The following CDC42BPA variants were observed in gnomAD, a reference collection of about 807,000 sequenced individuals.
The protein encoded by CDC42BPA is CDC42 binding protein kinase alpha, also known as serine/threonine-protein kinase MRCK alpha.
CDC42BPA carries 80 observed loss-of-function variants against 223.5 expected under a neutral mutation model. That is an observed-to-expected ratio of 0.36 (90% CI 0.30 to 0.43). CDC42BPA has a LOEUF of 0.43. Ranked by LOEUF, CDC42BPA falls within the 20% of genes least tolerant of loss-of-function variation. The pLI, the probability that CDC42BPA is intolerant of heterozygous loss-of-function variation, is 1.00. For missense variants in CDC42BPA, 1,743 were observed against 2,099.9 expected (o/e 0.83, Z 3.32); for synonymous variants, 694 against 718.6 (o/e 0.97, Z 0.55).
chr1:227,093,177 T>A (rs1402158201), intron 15 of CDC42BPA, among the ~76,000 whole-genome samples: 1 of 152,184 alleles, frequency 6.6e-6, no homozygotes, highest in African/African-American at 2.4e-5. Context: ...AATGTATAGG[T>A]CTCTAATTAT....
chr1:227,235,795 G>A (rs1262081393), intron 2 of CDC42BPA, among the ~76,000 whole-genome samples: 2 of 152,248 alleles, frequency 1.3e-5, no homozygotes, highest in Non-Finnish European at 2.9e-5. Context: ...CATCTCCAGA[G>A]AGTAAAACTC....
At chr1:227,093,206 TG>T (rs1271049204) in intron 15 of CDC42BPA, among the ~76,000 whole-genome samples, 3 of 152,192 alleles carry the variant, frequency 2.0e-5, no homozygotes, top group African/African-American at 7.2e-5. Context: ...ACACTCAACC[TG>T]GGGCCATCTG....
chr1:227,062,429 C>A (rs532713141), intron 21 of CDC42BPA, among the ~76,000 whole-genome samples: 4 of 152,230 alleles, frequency 2.6e-5, no homozygotes, highest in Non-Finnish European at 5.9e-5. Flanking sequence ...GATATACGAT[C>A]TTTATCTTTT....
chr1:227,222,175 ACCACTGCACT>A, intron 2 of CDC42BPA, among the ~76,000 whole-genome samples: 1 of 151,336 alleles, frequency 6.6e-6, no homozygotes, highest in Middle Eastern at 3.4e-3. Flanking sequence ...CTGTGATTGC[ACCACTGCACT>A]CCAGCCTGGG....
At position 227,141,295 on chromosome 1, in the gene CDC42BPA, TTGA is replaced by T. The variant is rs376888544; in HGVS notation, c.1224-1556_1224-1554del. The stretch of plus-strand genomic sequence containing the variant: ...TCTATAATGTAAAGCAGAGACATGG[TTGA>T]TAAGAGGTAAAGGAAGAGGAATCCA... On this transcript the variant is annotated intron_variant, in intron 9 of 36. Coordinates refer to ENST00000366766, the MANE Select transcript of CDC42BPA (RefSeq NM_001394014.1). 1.3e-3 allele frequency among the ~76,000 whole-genome samples: 191 copies of T among 152,168 alleles called. 2 individuals carry two copies. The highest frequency in any genetic ancestry group is 4.2e-3 in the African/African-American group (176 of 41,512).
intron 2 of CDC42BPA, among the ~76,000 whole-genome samples, chr1:227,226,414 G>A (rs1208001796): frequency 6.6e-6 from 1 of 152,166 alleles, no homozygotes; most frequent in African/African-American, 2.4e-5. Flanking sequence ...AAAGAGAAGA[G>A]GTTTGAACCT....
intron 24 of CDC42BPA, among the ~76,000 whole-genome samples, chr1:227,039,703 AT>A (rs1670984460): frequency 6.6e-6 from 1 of 151,990 alleles, no homozygotes; most frequent in South Asian, 2.1e-4. Context: ...TAAATCATGG[AT>A]GTTAGGGGAA....
rs1302291274 is a variant in CDC42BPA, at chr1:227,168,497, G to GTGTTTTGTTTTTTT, written c.600-7862_600-7861insAAAAAAACAAAACA. On this transcript the variant is annotated intron_variant, in intron 5 of 36. Coordinates refer to ENST00000366766, the MANE Select transcript of CDC42BPA (RefSeq NM_001394014.1). ...CTTTTTCATATTTATCTTCCCTGGT[G>GTGTTTTGTTTTTTT]TTTTTTTTTTTTTTTTGAGGCAGAG... Among the ~76,000 whole-genome samples, 204 of 80,212 alleles carry GTGTTTTGTTTTTTT rather than the reference G, an allele frequency of 2.5e-3. 4 individuals carry two copies. Among genetic ancestry groups the GTGTTTTGTTTTTTT allele is most frequent in the Middle Eastern group, 0.013 (1 of 78 alleles). 52.6% of individuals were successfully genotyped at this position (80,212 alleles called of 152,430 possible).
intron 5 of CDC42BPA, among the ~76,000 whole-genome samples, chr1:227,191,742 A>AT (rs568504172): frequency 3.0e-4 from 45 of 152,286 alleles, no homozygotes; most frequent in Middle Eastern, 3.4e-3. Flanking sequence ...CTCAGCTAGG[A>AT]TTTTGGATTA....
intron 14 of CDC42BPA, among the ~76,000 whole-genome samples, chr1:227,104,581 AT>A (rs1285494774): frequency 1.3e-5 from 2 of 152,194 alleles, no homozygotes; most frequent in African/African-American, 4.8e-5. Context: ...GTTGAACTGT[AT>A]TACCTTCAAA....
At chr1:227,241,148 G>A (rs1056724001) in intron 2 of CDC42BPA, among the ~76,000 whole-genome samples, 1 of 151,972 alleles carries the variant, frequency 6.6e-6, no homozygotes, top group Non-Finnish European at 1.5e-5. Context: ...AAACAACAAT[G>A]AAAATTAAGA....
Position 227,161,384 on chromosome 1 carries a change from T to C in CDC42BPA, c.600-748A>G, listed in dbSNP as rs1663859528. On this transcript the variant is annotated intron_variant, in intron 5 of 36. Transcript: ENST00000366766. ...GTAATTGTGAATAACTAAGAGATTATACCCACCCAACTCACTCTACTTTTA... is the reference window on the plus strand; with the variant it reads ...GTAATTGTGAATAACTAAGAGATTACACCCACCCAACTCACTCTACTTTTA... Among the ~76,000 whole-genome samples the C allele has an allele frequency of 2.0e-5, 3 of 152,180 alleles. No individual in the cohort carries two copies. The South Asian group carries it at 6.2e-4, about 32-fold the overall frequency.
At chr1:227,205,710 C>T (rs1163210983) in intron 3 of CDC42BPA, among the ~76,000 whole-genome samples, 2 of 152,068 alleles carry the variant, frequency 1.3e-5, no homozygotes, top group Non-Finnish European at 2.9e-5. Context: ...ACTTATGAGA[C>T]CTTATTATCT....
intron 5 of CDC42BPA, among the ~76,000 whole-genome samples, chr1:227,164,850 ATTTTCTTCCAAATCAATACATAGTCT>A (rs1376524781): frequency 2.0e-5 from 3 of 152,134 alleles, no homozygotes; most frequent in African/African-American, 7.2e-5. Flanking sequence ...ATCACTTCAC[ATTTTCTTCCAAATCAATACATAGTCT>A]TCTTGTATAA....
In CDC42BPA at chr1:227,272,527, G is replaced by C. The variant is rs188258828; in HGVS notation, c.179-18372C>G. Reference sequence around the variant, plus strand: ...AGGGTTGCTATCCCTAAAATTCAAGGAGCTCTTACAATATAGTAAGAAAAA... The same window carrying C: ...AGGGTTGCTATCCCTAAAATTCAAGCAGCTCTTACAATATAGTAAGAAAAA... On this transcript the variant is annotated intron_variant, in intron 1 of 36. Coordinates refer to ENST00000366766, the MANE Select transcript of CDC42BPA (RefSeq NM_001394014.1). Among the ~76,000 whole-genome samples, 373 of 152,156 alleles carry C rather than the reference G, an allele frequency of 2.5e-3. 1 individual carries two copies. The highest frequency in any genetic ancestry group is 3.8e-3 in the Non-Finnish European group (261 of 68,010).
At chr1:227,191,408 G>T (rs1237068147) in intron 5 of CDC42BPA, among the ~76,000 whole-genome samples, 3 of 151,804 alleles carry the variant, frequency 2.0e-5, no homozygotes, top group Admixed American at 6.6e-5. Flanking sequence ...TATTAGAGCT[G>T]CCCAACAATG....
intron 11 of CDC42BPA, 121 bp from the exon 12 acceptor site, chr1:227,120,058 G>C: frequency 1.6e-6 from 1 of 636,508 alleles, no homozygotes; most frequent in Admixed American, 3.3e-5. Flanking sequence ...AGATCTGACA[G>C]TGTATACCAG....
At chr1:227,233,900 T>C (rs1302062084) in intron 2 of CDC42BPA, among the ~76,000 whole-genome samples, 1 of 152,212 alleles carries the variant, frequency 6.6e-6, no homozygotes, top group Non-Finnish European at 1.5e-5. Flanking sequence ...ACTGCTGCAC[T>C]CCTGCCTGGG....
intron 35 of CDC42BPA, among the ~76,000 whole-genome samples, chr1:227,003,151 C>T (rs1473424055): frequency 1.3e-5 from 2 of 152,228 alleles, no homozygotes; most frequent in Admixed American, 6.5e-5. Context: ...ATGGAGGAAA[C>T]TCAATCTGCA....
Sources: allele counts gnomAD v4.1 joint callset (sites outside exome capture counted in the v4.1 genomes callset), GRCh38; gene constraint gnomAD v4.1.1; transcripts MANE v1.5; gene names NCBI Gene and HGNC (gene_info 2026-07-23, HGNC 2026-07-21).